Variants in TRAK1 observed in about 807,000 individuals in gnomAD.
TRAK1 encodes the protein trafficking kinesin-binding protein 1.
Under a neutral mutation model 92.1 loss-of-function variants are expected in TRAK1, and 33 were observed. That is an observed-to-expected ratio of 0.36 (90% CI 0.27 to 0.48). The LOEUF (loss-of-function observed/expected upper bound fraction) is 0.48, where lower values mean the gene tolerates loss of function less well. Among genes scored for constraint, TRAK1 ranks in the 20% least tolerant of loss-of-function variants. The probability of loss-of-function intolerance (pLI) is 0.99; values close to 1 mark genes in which losing one functional copy is unlikely to be tolerated. For missense variants in TRAK1, 1,123 were observed against 1,257.9 expected, an observed-to-expected ratio of 0.89 and a Z score of 1.62; for synonymous variants, 521 against 517.3, an observed-to-expected ratio of 1.01 and a Z score of -0.10.
chr3:42,189,141 T>C lies in TRAK1; in HGVS notation c.690+17T>C, dbSNP rs1440518233. On this transcript the variant is annotated intron_variant, in intron 6 of 15. Coordinates refer to ENST00000327628, the MANE Select transcript of TRAK1 (RefSeq NM_001042646.3). ...CGATCCGAGGTGATGTGCCCTCCCT[T>C]CTCTTGCCCCTGCTAGAAGGGTGGT... The C allele has an allele frequency of 6.3e-7, 1 of 1,589,166 alleles. No homozygotes were observed. The highest frequency in any genetic ancestry group is 1.3e-5 in the African/African-American group (1 of 74,444).
intron 1 of TRAK1, among the ~76,000 whole-genome samples, chr3:42,076,531 T>C (rs775964386): frequency 2.0e-5 from 3 of 152,148 alleles, no homozygotes; most frequent in Non-Finnish European, 4.4e-5. Flanking sequence ...TGGCCAGATA[T>C]TAGACTTTTA....
At chr3:42,205,196 C>T (rs1260654795) in intron 13 of TRAK1, among the ~76,000 whole-genome samples, 1 of 152,148 alleles carries the variant, frequency 6.6e-6, no homozygotes, top group African/African-American at 2.4e-5. Flanking sequence ...CAAGCTTGCT[C>T]CAATCCAGGT....
intron 1 of TRAK1, among the ~76,000 whole-genome samples, chr3:42,111,031 G>A (rs1708330539): frequency 6.6e-6 from 1 of 152,172 alleles, no homozygotes; most frequent in African/African-American, 2.4e-5. Context: ...AAAATGCCAG[G>A]GGCCAAGGGG....
chr3:42,117,762 G>A (rs1709347062), intron 1 of TRAK1, among the ~76,000 whole-genome samples: 1 of 151,968 alleles, frequency 6.6e-6, no homozygotes, highest in Non-Finnish European at 1.5e-5. Flanking sequence ...GGAGGAGGAG[G>A]TCCCTTGATC....
At chr3:42,067,176 C>T (rs1311345478) in intron 1 of TRAK1, among the ~76,000 whole-genome samples, 1 of 152,156 alleles carries the variant, frequency 6.6e-6, no homozygotes, top group Admixed American at 6.5e-5. Flanking sequence ...CCAAGCAAAA[C>T]CCCCTTGCCT....
chr3:42,133,152 A>G (rs1208276181), intron 2 of TRAK1, among the ~76,000 whole-genome samples: 1 of 151,994 alleles, frequency 6.6e-6, no homozygotes, highest in Admixed American at 6.6e-5. Flanking sequence ...TTGAAATCCA[A>G]CTGGGTCATG....
At chr3:42,083,754 A>G (rs1010176370), upstream of TRAK1, among the ~76,000 whole-genome samples, 11 of 152,138 alleles carry the variant, frequency 7.2e-5, no homozygotes, top group Non-Finnish European at 1.6e-4. Context: ...GTGCGCCTGT[A>G]GTCTCAGCTA....
At chr3:42,121,321 G>A (rs9681369) in intron 1 of TRAK1, among the ~76,000 whole-genome samples, 324 of 149,638 alleles carry the variant, frequency 2.2e-3, no homozygotes, top group African/African-American at 7.6e-3. Context: ...GTGCAGTGGC[G>A]CAGTCTCGGC....
Position 42,188,163 on chromosome 3 carries a change from T to A in TRAK1, c.581+18T>A, listed in dbSNP as rs761507903. 6.2e-7 allele frequency: 1 copy of A among 1,612,544 alleles called. No individual in the cohort carries two copies. The highest frequency in any genetic ancestry group is 1.1e-5 in the South Asian group (1 of 91,056). ...TCAACCCCGTAAGTCACCAGAGGGCTGTATTTCTGGAGGCCAGAGCACAGG... is the reference window on the plus strand; with the variant it reads ...TCAACCCCGTAAGTCACCAGAGGGCAGTATTTCTGGAGGCCAGAGCACAGG... On this transcript the variant is annotated intron_variant, in intron 5 of 15. Transcript: ENST00000327628.
intron 1 of TRAK1, among the ~76,000 whole-genome samples, chr3:42,079,358 C>T (rs751381697): frequency 1.3e-5 from 2 of 152,250 alleles, no homozygotes; most frequent in African/African-American, 2.4e-5. Context: ...CCTGGCTGGC[C>T]ATGGAGGGGA....
At chr3:42,057,184 C>T (rs187465679) in intron 1 of TRAK1, among the ~76,000 whole-genome samples, 35 of 152,178 alleles carry the variant, frequency 2.3e-4, no homozygotes, top group African/African-American at 8.2e-4. Context: ...ACCACCTGGG[C>T]TGTCCAGTGC....
At chr3:42,197,336 C>T (rs1706876990) in intron 10 of TRAK1, among the ~76,000 whole-genome samples, 1 of 152,188 alleles carries the variant, frequency 6.6e-6, no homozygotes, top group South Asian at 2.1e-4. Context: ...TATGCATGCC[C>T]TTCCACATAC....
At position 42,225,096 on chromosome 3, in the gene TRAK1, T is replaced by C. The variant is rs899495688; in HGVS notation, c.*1359T>C. ...TTTTATTTATTATTTATGTCTGCCG[T>C]ATTTTAAATAAACATTCTCGTTCCT... On this transcript the variant is annotated 3_prime_UTR_variant, in exon 16 of 16. Transcript: ENST00000327628. 14 of 152,236 alleles carry C rather than the reference T, an allele frequency of 9.2e-5. No homozygotes were observed. Among genetic ancestry groups the C allele is most frequent in the Non-Finnish European group, 1.8e-4 (12 of 68,048 alleles). 9.4% of individuals were successfully genotyped at this position (152,236 alleles called of 1,614,324 possible).
At chr3:42,048,769 G>A (rs1226817238) in intron 1 of TRAK1, among the ~76,000 whole-genome samples, 4 of 151,994 alleles carry the variant, frequency 2.6e-5, no homozygotes, top group African/African-American at 9.7e-5. Context: ...TCCCCATGTT[G>A]CCCAGGCTGG....
chr3:42,107,241 C>T (rs765367552), intron 1 of TRAK1, among the ~76,000 whole-genome samples: 11 of 152,210 alleles, frequency 7.2e-5, no homozygotes, highest in Non-Finnish European at 1.5e-4. Context: ...TTGGGCTGGG[C>T]GCAGTGCCTT....
intron 1 of TRAK1, among the ~76,000 whole-genome samples, chr3:42,058,729 T>C (rs1472532189): frequency 2.6e-5 from 4 of 152,188 alleles, no homozygotes; most frequent in Non-Finnish European, 5.9e-5. Flanking sequence ...CCTTGCCCAT[T>C]GTTTGGTGGC....
rs748321736 is a variant in TRAK1 at position 42,078,752 on chromosome 3, CAAAAAAAA to C, written c.-518-8339_-518-8332del. Among the ~76,000 whole-genome samples, 3 of 49,650 alleles carry C rather than the reference CAAAAAAAA, an allele frequency of 6.0e-5. No individual in the cohort carries two copies. In the East Asian group the frequency reaches 1.7e-3, roughly 27 times the overall value. 32.6% of individuals were successfully genotyped at this position (49,650 alleles called of 152,430 possible). On this transcript the variant is annotated intron_variant, in intron 1 of 16. Coordinates refer to the TRAK1 transcript ENST00000487159. ...TGGGAGACAGAGGGAGATTCCATCT[CAAAAAAAA>C]AAAAAAAAAAAAGAAAGAAAGAAAG... is the stretch of plus-strand genomic sequence containing the variant.
chr3:42,107,993 G>A (rs1388396164), intron 1 of TRAK1, among the ~76,000 whole-genome samples: 2 of 151,642 alleles, frequency 1.3e-5, no homozygotes. Flanking sequence ...TGAATTCCAG[G>A]ATGTAGGGAA....
intron 2 of TRAK1, among the ~76,000 whole-genome samples, chr3:42,142,518 T>A (rs1404958012): frequency 6.6e-6 from 1 of 152,202 alleles, no homozygotes; most frequent in Non-Finnish European, 1.5e-5. Context: ...CCGAGTATAG[T>A]CTGTGCCCAC....
Sources: allele counts gnomAD v4.1 joint callset (sites outside exome capture counted in the v4.1 genomes callset), GRCh38; gene constraint gnomAD v4.1.1; transcripts MANE v1.5; gene names NCBI Gene and HGNC (gene_info 2026-07-23, HGNC 2026-07-21).